Variants in PRKG1 observed in about 807,000 individuals in gnomAD.
PRKG1 encodes cGMP-dependent protein kinase 1.
A neutral mutation model predicts 88.1 loss-of-function variants in PRKG1; 35 were observed. The ratio of observed to expected loss-of-function variants is 0.40; its 90% confidence interval spans 0.30 to 0.53. PRKG1 has a LOEUF of 0.53. Among genes scored for constraint, PRKG1 ranks in the 20% least tolerant of loss-of-function variants. The pLI, the probability that PRKG1 is intolerant of heterozygous loss-of-function variation, is 0.59. For missense variants in PRKG1, 540 were observed against 839.8 expected, an observed-to-expected ratio of 0.64 and a Z score of 4.41; for synonymous variants, 303 against 292.5, an observed-to-expected ratio of 1.04 and a Z score of -0.37.
chr10:51,350,479 A>G (rs1842215761), intron 2 of PRKG1, among the ~76,000 whole-genome samples: 1 of 152,224 alleles, frequency 6.6e-6, no homozygotes, highest in Admixed American at 6.5e-5. Context: ...AGTTAGTATC[A>G]TACTGAATGG....
chr10:51,683,222 G>A (rs1313353487), intron 3 of PRKG1, among the ~76,000 whole-genome samples: 51 of 151,948 alleles, frequency 3.4e-4, no homozygotes, highest in East Asian at 1.9e-4. Flanking sequence ...ACGGTGGCTC[G>A]TGCTAATCCC....
chr10:51,336,543 C>T (rs900632707), intron 2 of PRKG1, among the ~76,000 whole-genome samples: 9 of 152,130 alleles, frequency 5.9e-5, no homozygotes, highest in Non-Finnish European at 8.8e-5. Flanking sequence ...CCTCCATTTT[C>T]GTTAAGCCCT....
intron 2 of PRKG1, among the ~76,000 whole-genome samples, chr10:51,383,131 T>G (rs1837152752): frequency 6.6e-6 from 1 of 152,046 alleles, no homozygotes; most frequent in South Asian, 2.1e-4. Flanking sequence ...CCCACAGTTG[T>G]GTGAGGATAG....
chr10:51,113,370 G>T (rs1041899334), intron 1 of PRKG1, among the ~76,000 whole-genome samples: 2 of 152,090 alleles, frequency 1.3e-5, no homozygotes. Flanking sequence ...TGAGCATAAG[G>T]GTGGCAGTGT....
chr10:51,930,683 G>T (rs1441569741), intron 5 of PRKG1, among the ~76,000 whole-genome samples: 8 of 151,520 alleles, frequency 5.3e-5, no homozygotes, highest in Admixed American at 5.3e-4. Context: ...TAGAGACGGG[G>T]TTTCACCATG....
intron 9 of PRKG1, among the ~76,000 whole-genome samples, chr10:52,214,398 A>G (rs754031554): frequency 2.8e-4 from 43 of 152,322 alleles, no homozygotes; most frequent in Non-Finnish European, 5.6e-4. Flanking sequence ...AGATGCACAA[A>G]CTTTGATATC....
At chr10:51,548,989 T>C (rs964979478) in intron 3 of PRKG1, among the ~76,000 whole-genome samples, 1 of 152,038 alleles carries the variant, frequency 6.6e-6, no homozygotes, top group Non-Finnish European at 1.5e-5. Context: ...ACTGTTTCAC[T>C]CAAGAATATG....
chr10:51,751,473 C>T (rs1468437141), intron 3 of PRKG1, among the ~76,000 whole-genome samples: 2 of 152,152 alleles, frequency 1.3e-5, no homozygotes, highest in African/African-American at 4.8e-5. Context: ...AGTTATCCGC[C>T]TGCATCTGCC....
chr10:51,075,483 G>A (rs192842934), intron 1 of PRKG1, among the ~76,000 whole-genome samples: 4 of 152,266 alleles, frequency 2.6e-5, no homozygotes, highest in East Asian at 3.9e-4. Flanking sequence ...TTCCTGAATT[G>A]GATGACATTT....
Position 51,184,048 on chromosome 10 carries a change from T to C in PRKG1, c.478+30718T>C, listed in dbSNP as rs562655575. Among the ~76,000 whole-genome samples, 8 of 152,306 alleles carry C rather than the reference T, an allele frequency of 5.3e-5. No individual in the cohort carries two copies. In the East Asian group the frequency reaches 1.5e-3, roughly 29 times the overall value. ...AAGTTAAATCTCTTTGTTATTCCTG[T>C]ACAAACATTTATTTTTGTCTCAGCC... is the stretch of plus-strand genomic sequence containing the variant. On this transcript the variant is annotated intron_variant, in intron 2 of 17. Transcript: ENST00000373980.
At position 51,083,060 on chromosome 10, in the gene PRKG1, G is replaced by T. The variant is rs560226109; in HGVS notation, c.311+8159G>T. On this transcript the variant is annotated intron_variant, in intron 1 of 17. Coordinates refer to ENST00000373980, the MANE Select transcript of PRKG1 (RefSeq NM_006258.4). ...ACTACTTGAATTCCTATTCTTTGGG[G>T]AAGCACCTTTCTTGTTTCTTTTTGA... 1.2e-4 allele frequency among the ~76,000 whole-genome samples: 18 copies of T among 152,244 alleles called. No homozygotes were observed. The South Asian group carries it at 3.7e-3, about 32-fold the overall frequency.
chr10:51,610,846 A>G (rs1041380327), intron 3 of PRKG1, among the ~76,000 whole-genome samples: 3 of 152,142 alleles, frequency 2.0e-5, no homozygotes, highest in East Asian at 3.9e-4. Flanking sequence ...AACCATGAGA[A>G]CACATGAACA....
At chr10:52,206,381 C>G (rs777150075) in intron 9 of PRKG1, among the ~76,000 whole-genome samples, 5 of 152,030 alleles carry the variant, frequency 3.3e-5, no homozygotes, top group Non-Finnish European at 5.9e-5. Context: ...ATCTTCACTC[C>G]TCTCTATATT....
At chr10:51,821,171 G>C (rs572001925) in intron 4 of PRKG1, among the ~76,000 whole-genome samples, 1 of 152,110 alleles carries the variant, frequency 6.6e-6, no homozygotes, top group South Asian at 2.1e-4. Context: ...ACCTTTTGCT[G>C]TGTGTATCAA....
intron 1 of PRKG1, among the ~76,000 whole-genome samples, chr10:51,029,690 C>A (rs895072361): frequency 1.3e-5 from 2 of 152,126 alleles, no homozygotes; most frequent in African/African-American, 4.8e-5. Context: ...TAAATTTGTT[C>A]TTGGTTTGCT....
intron 4 of PRKG1, among the ~76,000 whole-genome samples, chr10:51,890,130 G>C (rs1841681140): frequency 1.3e-5 from 2 of 152,134 alleles, no homozygotes. Context: ...TGAAGTCCTT[G>C]CCCATGCCTA....
intron 4 of PRKG1, among the ~76,000 whole-genome samples, chr10:51,885,068 A>T (rs1418690233): frequency 1.3e-5 from 2 of 152,208 alleles, no homozygotes; most frequent in East Asian, 3.9e-4. Flanking sequence ...ATACCGTGCA[A>T]TCTTAGCCAA....
intron 3 of PRKG1, among the ~76,000 whole-genome samples, chr10:51,679,916 A>G (rs1840806806): frequency 1.5e-5 from 2 of 134,300 alleles, no homozygotes; most frequent in South Asian, 5.1e-4. Context: ...ATATAACTTA[A>G]GGCCAATTAA....
At chr10:51,578,264 T>G (rs1274464809) in intron 3 of PRKG1, among the ~76,000 whole-genome samples, 2 of 152,180 alleles carry the variant, frequency 1.3e-5, no homozygotes, top group Admixed American at 6.6e-5. Context: ...CTTGAAGACT[T>G]AACTCCAAGT....
Sources: allele counts gnomAD v4.1 joint callset (sites outside exome capture counted in the v4.1 genomes callset), GRCh38; gene constraint gnomAD v4.1.1; transcripts MANE v1.5; gene names NCBI Gene and HGNC (gene_info 2026-07-23, HGNC 2026-07-21).